Variants in EHMT1 observed in about 807,000 individuals in gnomAD.
The protein encoded by EHMT1 is euchromatic histone lysine methyltransferase 1, also known as histone-lysine N-methyltransferase EHMT1.
A neutral mutation model predicts 147.2 loss-of-function variants in EHMT1; 15 were observed. The ratio of observed to expected loss-of-function variants is 0.10; its 90% CI spans 0.07 to 0.16. The LOEUF (loss-of-function observed/expected upper bound fraction) is 0.16, where lower values mean the gene tolerates loss of function less well. Ranked by LOEUF, EHMT1 falls within the 10% of genes least tolerant of loss-of-function variation. The pLI is 1.00. For synonymous variants in EHMT1, 795 were observed against 709.6 expected (o/e 1.12, Z -1.91); for missense variants, 1,587 against 1,772.4 (o/e 0.90, Z 1.88).
At chr9:137,652,474 C>T (rs898714339) in intron 1 of EHMT1, among the ~76,000 whole-genome samples, 4 of 152,012 alleles carry the variant, frequency 2.6e-5, no homozygotes, top group Non-Finnish European at 5.9e-5. Flanking sequence ...GCAACCTCTG[C>T]CTCCTTGGTT....
chr9:137,808,735 A>G (rs1030420200), intron 18 of EHMT1, among the ~76,000 whole-genome samples: 2 of 152,046 alleles, frequency 1.3e-5, no homozygotes, highest in Non-Finnish European at 2.9e-5. Flanking sequence ...AGCCTGGGCA[A>G]CATGGTGAAA....
chr9:137,702,215 A>C (rs1420144105), intron 1 of EHMT1, among the ~76,000 whole-genome samples: 1 of 152,182 alleles, frequency 6.6e-6, no homozygotes, highest in African/African-American at 2.4e-5. Context: ...TCACATTTCA[A>C]AACACAAATA....
At chr9:137,777,780 T>C in intron 12 of EHMT1, 102 bp from the exon 13 acceptor site, 1 of 1,519,332 alleles carries the variant, frequency 6.6e-7, no homozygotes, top group South Asian at 1.1e-5. Flanking sequence ...AGTAAGCAAA[T>C]CCGCAGCTCT....
intron 4 of EHMT1, among the ~76,000 whole-genome samples, chr9:137,738,112 T>C (rs1469471258): frequency 6.6e-6 from 1 of 151,896 alleles, no homozygotes; most frequent in East Asian, 1.9e-4. Context: ...GAGAATCACT[T>C]GAACCCGAGT....
chr9:137,696,786 C>T (rs1483870477), intron 1 of EHMT1, among the ~76,000 whole-genome samples: 2 of 152,112 alleles, frequency 1.3e-5, no homozygotes, highest in African/African-American at 4.8e-5. Context: ...GTTGACACAC[C>T]CCTCCCAAAA....
intron 1 of EHMT1, among the ~76,000 whole-genome samples, chr9:137,707,511 C>T (rs1385661499): frequency 6.6e-6 from 1 of 152,192 alleles, no homozygotes; most frequent in African/African-American, 2.4e-5. Flanking sequence ...ATGCTACAGA[C>T]CAGGCAGAGG....
At chr9:137,685,884 A>T (rs1015367399) in intron 1 of EHMT1, among the ~76,000 whole-genome samples, 12 of 152,218 alleles carry the variant, frequency 7.9e-5, no homozygotes, top group Non-Finnish European at 1.8e-4. Context: ...AGAAATGTTT[A>T]TTCAGATCTT....
chr9:137,642,015 T>C (rs752186662), intron 1 of EHMT1, among the ~76,000 whole-genome samples: 1 of 150,934 alleles, frequency 6.6e-6, no homozygotes, highest in African/African-American at 2.4e-5. Flanking sequence ...AATTTTTGTA[T>C]TTTTAGTAGA....
chr9:137,620,630 C>T (rs1436026362), intron 1 of EHMT1, among the ~76,000 whole-genome samples: 2 of 152,108 alleles, frequency 1.3e-5, no homozygotes, highest in East Asian at 1.9e-4. Flanking sequence ...TGGACTCCAG[C>T]GATCTGCCTG....
At chr9:137,686,762 G>T (rs1268629753) in intron 1 of EHMT1, among the ~76,000 whole-genome samples, 1 of 137,774 alleles carries the variant, frequency 7.3e-6, no homozygotes, top group Admixed American at 7.8e-5. Context: ...ATGGAGTCTC[G>T]CTCTGTCACC....
chr9:137,645,907 T>C (rs1169698408), intron 1 of EHMT1, among the ~76,000 whole-genome samples: 1 of 152,160 alleles, frequency 6.6e-6, no homozygotes, highest in Non-Finnish European at 1.5e-5. Context: ...ATGTTGATAA[T>C]GTTTTGGATC....
At position 137,716,978 on chromosome 9, in the gene EHMT1, G is replaced by A. The variant is rs151008340; in HGVS notation, c.438G>A (p.Ser146=). 229 of 1,610,130 alleles carry A rather than the reference G, an allele frequency of 1.4e-4. No homozygotes were observed. The highest frequency in any genetic ancestry group is 4.6e-4 in the South Asian group (42 of 91,066). ...GGACTACCAGCACTCTGGCCTCTTC[G>A]CTGCCTGGCCATGCTGCAAAAACCC... ...PLRTTSTLAS[S]LPGHAAKTLP... The change falls in exon 3 of 27, where the codon TCG becomes TCA. Residue 146 remains serine, a synonymous_variant. Transcript: ENST00000460843.
chr9:137,641,822 G>A (rs549320884), intron 1 of EHMT1, among the ~76,000 whole-genome samples: 32 of 151,926 alleles, frequency 2.1e-4, no homozygotes, highest in Middle Eastern at 3.4e-3. Flanking sequence ...ATAGGACTAA[G>A]ATCACATTTT....
chr9:137,674,233 C>T (rs1282679228), intron 1 of EHMT1, among the ~76,000 whole-genome samples: 2 of 152,186 alleles, frequency 1.3e-5, no homozygotes, highest in Non-Finnish European at 2.9e-5. Flanking sequence ...GCACGTGTGA[C>T]CCGCCTGCAC....
rs1186059789 is a variant in EHMT1, at chr9:137,782,281, T to G, written c.2276-10T>G. 1.2e-6 allele frequency: 2 copies of G among 1,606,908 alleles called. No homozygotes were observed. The highest frequency in any genetic ancestry group is 2.2e-5 in the East Asian group (1 of 44,774). ...TCTGAAATCATTAATAAAACTGTGTTTGTTCACAGTGGACGGAATTGACCC... is the reference window on the plus strand; with the variant it reads ...TCTGAAATCATTAATAAAACTGTGTGTGTTCACAGTGGACGGAATTGACCC... On this transcript the variant is annotated splice_polypyrimidine_tract_variant and intron_variant, in intron 14 of 26. Coordinates refer to ENST00000460843, the MANE Select transcript of EHMT1 (RefSeq NM_024757.5). The surrounding 1 kb of genome is among the most constrained non-coding windows in gnomAD (Gnocchi z 5.7).
intron 1 of EHMT1, among the ~76,000 whole-genome samples, chr9:137,642,920 C>T (rs1322268772): frequency 6.6e-6 from 1 of 151,848 alleles, no homozygotes; most frequent in Non-Finnish European, 1.5e-5. Flanking sequence ...CTCGCTCTGT[C>T]ACCCAGGTGG....
intron 5 of EHMT1, 58 bp from the exon 6 acceptor site, chr9:137,743,844 A>G: frequency 1.3e-6 from 2 of 1,551,882 alleles, no homozygotes; most frequent in East Asian, 2.4e-5. Context: ...AGTGAAAGCA[A>G]GTTTGTTCAT....
chr9:137,643,272 T>C (rs1241477241), intron 1 of EHMT1, among the ~76,000 whole-genome samples: 1 of 151,740 alleles, frequency 6.6e-6, no homozygotes, highest in Non-Finnish European at 1.5e-5. Context: ...AGTGATGAAC[T>C]CTCTACTTTT....
intron 18 of EHMT1, 21 bp from the exon 19 acceptor site, chr9:137,811,440 C>G: frequency 6.2e-7 from 1 of 1,611,760 alleles, no homozygotes; most frequent in East Asian, 2.2e-5. Flanking sequence ...CTGCACTGAG[C>G]TCTGGCTTGT....
Sources: gnomAD v4.1 joint callset for allele counts (sites outside exome capture counted in the v4.1 genomes callset) on GRCh38, gnomAD v4.1.1 for gene constraint, Gnocchi (gnomAD v3.1) non-coding constraint, MANE v1.5 for transcripts, NCBI Gene and HGNC (gene_info 2026-07-23, HGNC 2026-07-21) for gene names.